The following IL1RAPL1 variants were observed in gnomAD, a reference collection of about 807,000 sequenced individuals.
IL1RAPL1 encodes the protein interleukin-1 receptor accessory protein-like 1.
A neutral mutation model predicts 48.4 loss-of-function variants in IL1RAPL1; 3 were observed. That is an observed-to-expected ratio of 0.06 (90% CI 0.03 to 0.16). The LOEUF (loss-of-function observed/expected upper bound fraction) is 0.16. Ranked by LOEUF, IL1RAPL1 falls within the 10% of genes least tolerant of loss-of-function variation. The probability of loss-of-function intolerance (pLI) is 1.00; values close to 1 mark genes in which losing one functional copy is unlikely to be tolerated. For missense variants in IL1RAPL1, 349 were observed against 530.6 expected, an observed-to-expected ratio of 0.66 and a Z score of 3.36; for synonymous variants, 185 against 187.7, an observed-to-expected ratio of 0.99 and a Z score of 0.12.
intron 1 of IL1RAPL1, among the ~76,000 whole-genome samples, chrX:28,780,215 T>C (rs1210857554): frequency 1.8e-5 from 2 of 110,713 alleles, no homozygotes; most frequent in East Asian, 2.8e-4. Context: ...GCTAATAATC[T>C]CTCTTGCTTG....
At chrX:28,860,866 A>C (rs932153833) in intron 2 of IL1RAPL1, among the ~76,000 whole-genome samples, 5 of 111,483 alleles carry the variant, frequency 4.5e-5, no homozygotes, top group African/African-American at 1.6e-4. Context: ...TTTTTCTGAG[A>C]AAGGCATTCT....
At chrX:28,908,864 A>G (rs1923288103) in intron 2 of IL1RAPL1, among the ~76,000 whole-genome samples, 1 of 111,144 alleles carries the variant, frequency 9.0e-6, no homozygotes, top group Non-Finnish European at 1.9e-5. Context: ...GTGTATTTTG[A>G]TACTCTCATT....
chrX:28,687,460 G>A (rs897551640), intron 1 of IL1RAPL1, among the ~76,000 whole-genome samples: 16 of 111,884 alleles, frequency 1.4e-4, no homozygotes, highest in African/African-American at 3.9e-4. Flanking sequence ...AAAAATTAAC[G>A]CTTTATTTTA....
chrX:29,302,573 T>G (rs1200329089), intron 3 of IL1RAPL1, among the ~76,000 whole-genome samples: 2 of 112,160 alleles, frequency 1.8e-5, no homozygotes, highest in Non-Finnish European at 3.8e-5. Flanking sequence ...TTCCCATGAC[T>G]TGGGTCATTT....
chrX:29,687,959 A>C (rs756475565), intron 6 of IL1RAPL1, among the ~76,000 whole-genome samples: 1 of 111,843 alleles, frequency 8.9e-6, no homozygotes, highest in South Asian at 3.8e-4. Context: ...TTTATAACTC[A>C]GGCACAGAGA....
chrX:29,388,067 T>C (rs1226664499), intron 3 of IL1RAPL1, among the ~76,000 whole-genome samples: 1 of 95,552 alleles, frequency 1.0e-5, no homozygotes, highest in African/African-American at 4.0e-5. Context: ...AAAAGTAGTA[T>C]GGTTGAGTTT....
At chrX:29,538,424 G>T (rs752528218) in intron 5 of IL1RAPL1, among the ~76,000 whole-genome samples, 1 of 87,391 alleles carries the variant, frequency 1.1e-5, no homozygotes, top group East Asian at 3.8e-4. Flanking sequence ...TGCAACCTCC[G>T]CCTCCTGGGT....
intron 3 of IL1RAPL1, among the ~76,000 whole-genome samples, chrX:29,381,833 A>AAAAATATATATATATAT (rs1365599735): frequency 3.9e-5 from 1 of 25,384 alleles, no homozygotes; most frequent in African/African-American, 1.2e-4. Context: ...AAAAAAAAAA[A>AAAAATATATATATATAT]ATATATATAT....
chrX:28,767,534 T>G (rs1048726016), intron 1 of IL1RAPL1, among the ~76,000 whole-genome samples: 2 of 111,152 alleles, frequency 1.8e-5, no homozygotes, highest in Non-Finnish European at 3.8e-5. Context: ...TAATTAGGGA[T>G]TTTTTTTCCC....
intron 2 of IL1RAPL1, among the ~76,000 whole-genome samples, chrX:29,213,054 G>A (rs1212446834): frequency 2.7e-5 from 3 of 110,925 alleles, no homozygotes; most frequent in Non-Finnish European, 3.8e-5. Context: ...GCTGGAGTGC[G>A]ATGGCACAAT....
intron 3 of IL1RAPL1, among the ~76,000 whole-genome samples, chrX:29,305,987 A>G (rs1932610486): frequency 8.9e-6 from 1 of 111,981 alleles, no homozygotes; most frequent in African/African-American, 3.3e-5. Flanking sequence ...TAAACTAAGG[A>G]TGACAGACAT....
chrX:28,888,599 G>C, intron 2 of IL1RAPL1, among the ~76,000 whole-genome samples: 1 of 110,915 alleles, frequency 9.0e-6, no homozygotes, highest in Non-Finnish European at 1.9e-5. Flanking sequence ...TGGAGTTGTG[G>C]AGGCAGGGGT....
chrX:29,418,300 A>AT (rs1305284190), intron 5 of IL1RAPL1, among the ~76,000 whole-genome samples: 3 of 105,636 alleles, frequency 2.8e-5, no homozygotes, highest in Non-Finnish European at 5.8e-5. Flanking sequence ...TAATTTTTGT[A>AT]TTTTTTTAGT....
intron 6 of IL1RAPL1, among the ~76,000 whole-genome samples, chrX:29,907,432 G>T (rs1932656841): frequency 9.1e-6 from 1 of 109,999 alleles, no homozygotes; most frequent in African/African-American, 3.3e-5. Flanking sequence ...CTCCTATATA[G>T]TATATTTATT....
chrX:28,712,823 A>G (rs1435342312), intron 1 of IL1RAPL1, among the ~76,000 whole-genome samples: 1 of 110,385 alleles, frequency 9.1e-6, no homozygotes, highest in African/African-American at 3.3e-5. Flanking sequence ...GTTTGAGGCT[A>G]TTTTTTTTAA....
At chrX:29,028,292 G>GTTTTT (rs775964789) in intron 2 of IL1RAPL1, among the ~76,000 whole-genome samples, 7 of 80,168 alleles carry the variant, frequency 8.7e-5, no homozygotes, top group Non-Finnish European at 1.5e-4. Context: ...TTTTTTGTTT[G>GTTTTT]TTTTTTTTTT....
rs1176150062 is a variant in IL1RAPL1, at chrX:28,812,495, A to G, written c.82+23070A>G. 3.6e-5 allele frequency among the ~76,000 whole-genome samples: 4 copies of G among 110,753 alleles called. No individual in the cohort carries two copies. The East Asian group carries it at 1.1e-3, about 31-fold the overall frequency. The stretch of plus-strand genomic sequence containing the variant: ...TTTTGCTTGTTGTAATTAAAATGTC[A>G]AACTTAAAGTTGTTAAAATGTACAT... On this transcript the variant is annotated intron_variant, in intron 2 of 10. Transcript: ENST00000378993.
intron 2 of IL1RAPL1, among the ~76,000 whole-genome samples, chrX:28,913,110 G>A (rs943118907): frequency 2.7e-5 from 3 of 111,665 alleles, no homozygotes; most frequent in Non-Finnish European, 5.6e-5. Context: ...GTCCTAATGA[G>A]CAATGTAATG....
chrX:28,615,884 C>A (rs762709517), intron 1 of IL1RAPL1, among the ~76,000 whole-genome samples: 34 of 111,749 alleles, frequency 3.0e-4, no homozygotes, highest in African/African-American at 1.1e-3. Flanking sequence ...CCAAGCGAGG[C>A]CCCTTCTACC....
Sources: allele counts gnomAD v4.1 joint callset (sites outside exome capture counted in the v4.1 genomes callset), GRCh38; gene constraint gnomAD v4.1.1; transcripts MANE v1.5; gene names NCBI Gene and HGNC (gene_info 2026-07-23, HGNC 2026-07-21).